The following DGKB variants were observed in gnomAD, a reference collection of about 807,000 sequenced individuals.
DGKB encodes the protein 90 kDa diacylglycerol kinase.
A neutral mutation model predicts 114.3 loss-of-function variants in DGKB; 67 were observed. The ratio of observed to expected loss-of-function variants is 0.59; its 90% confidence interval spans 0.48 to 0.72. The LOEUF (loss-of-function observed/expected upper bound fraction) is 0.72. DGKB is among the 30% of genes least tolerant of loss of function. The pLI, the probability that DGKB is intolerant of heterozygous loss-of-function variation, is 0.00. For missense variants in DGKB, 907 were observed against 975.2 expected, an observed-to-expected ratio of 0.93 and a Z score of 0.93; for synonymous variants, 398 against 323.1, an observed-to-expected ratio of 1.23 and a Z score of -2.49.
intron 1 of DGKB, among the ~76,000 whole-genome samples, chr7:14,918,376 G>C (rs1045873388): frequency 3.9e-5 from 6 of 152,040 alleles, no homozygotes; most frequent in Non-Finnish European, 8.8e-5. Flanking sequence ...CAAAGGAAAA[G>C]CTTCCTGAAA....
At chr7:14,222,843 T>C (rs1352902033) in intron 23 of DGKB, among the ~76,000 whole-genome samples, 4 of 151,586 alleles carry the variant, frequency 2.6e-5, no homozygotes, top group Admixed American at 1.3e-4. Context: ...TGTTAGGGTA[T>C]ATATGTTTAC....
At position 14,839,948 on chromosome 7, in the gene DGKB, A is replaced by C. The variant is rs550209423; in HGVS notation, c.70+1246T>G. Among the ~76,000 whole-genome samples, 48 of 152,234 alleles carry C rather than the reference A, an allele frequency of 3.2e-4. 1 individual carries two copies. The highest frequency in any genetic ancestry group is 6.8e-3 in the Middle Eastern group (2 of 294). Reference sequence around the variant, plus strand: ...TAGGAAGCTTCTAGAATACCTTTGAAACTGGTCTTTTCAGATAATATACAT... The same window carrying C: ...TAGGAAGCTTCTAGAATACCTTTGACACTGGTCTTTTCAGATAATATACAT... On this transcript the variant is annotated intron_variant, in intron 2 of 25. Coordinates refer to ENST00000402815, the MANE Select transcript of DGKB (RefSeq NM_001350709.2).
chr7:14,544,774 G>C (rs1444652911), intron 20 of DGKB, among the ~76,000 whole-genome samples: 1 of 152,104 alleles, frequency 6.6e-6, no homozygotes, highest in South Asian at 2.1e-4. Context: ...AAGTCTTCTA[G>C]GACAGGGTGT....
chr7:14,563,172 G>T (rs1222843754), intron 20 of DGKB, among the ~76,000 whole-genome samples: 1 of 152,160 alleles, frequency 6.6e-6, no homozygotes, highest in African/African-American at 2.4e-5. Context: ...CTTCTGCCAT[G>T]ATTGGGAGGC....
intron 1 of DGKB, among the ~76,000 whole-genome samples, chr7:14,947,501 A>G (rs548813978): frequency 2.0e-5 from 3 of 151,824 alleles, no homozygotes; most frequent in Admixed American, 6.6e-5. Flanking sequence ...ATGTTAAAAC[A>G]AAGTCATAAA....
At position 14,682,707 on chromosome 7, in the gene DGKB, C is replaced by T. The variant is rs573452587; in HGVS notation, c.919-38G>A. Reference sequence around the variant, plus strand: ...GACAACATTGTGATAAGAGGACACACTACATAATGGCCACCTTCAGAAAGC... The same window carrying T: ...GACAACATTGTGATAAGAGGACACATTACATAATGGCCACCTTCAGAAAGC... On this transcript the variant is annotated intron_variant, in intron 11 of 25. Coordinates refer to ENST00000402815, the MANE Select transcript of DGKB (RefSeq NM_001350709.2). The T allele has an allele frequency of 1.2e-5, 20 of 1,606,108 alleles. No individual in the cohort carries two copies. The East Asian group carries it at 3.8e-4, about 30-fold the overall frequency.
At chr7:14,938,939 T>G (rs891610809) in intron 1 of DGKB, among the ~76,000 whole-genome samples, 6 of 152,196 alleles carry the variant, frequency 3.9e-5, no homozygotes, top group African/African-American at 1.4e-4. Flanking sequence ...TAATTCTCTA[T>G]GAAATGAGGT....
At chr7:14,814,798 G>T (rs1447761960) in intron 2 of DGKB, among the ~76,000 whole-genome samples, 1 of 152,062 alleles carries the variant, frequency 6.6e-6, no homozygotes, top group Non-Finnish European at 1.5e-5. Context: ...ATTCTAAAAT[G>T]TTATGAACAT....
At chr7:14,908,707 C>G (rs1783834479) in intron 1 of DGKB, among the ~76,000 whole-genome samples, 1 of 152,062 alleles carries the variant, frequency 6.6e-6, no homozygotes, top group African/African-American at 2.4e-5. Context: ...TAAATGAAAT[C>G]TTACCTTTCT....
chr7:14,527,263 G>C (rs73287728), intron 20 of DGKB, among the ~76,000 whole-genome samples: 8 of 152,042 alleles, frequency 5.3e-5, no homozygotes, highest in Non-Finnish European at 1.0e-4. Flanking sequence ...TCTTTTATTG[G>C]AAACAGTTCA....
At chr7:14,718,777 A>G in intron 5 of DGKB, 92 bp from the exon 6 acceptor site, 1 of 931,776 alleles carries the variant, frequency 1.1e-6, no homozygotes, top group Non-Finnish European at 1.6e-6. Flanking sequence ...CACAGGCTAC[A>G]TAGAAATTTA....
rs145150069 is a variant in DGKB at position 14,398,438 on chromosome 7, G to C, written c.1836-53047C>G. Among the ~76,000 whole-genome samples the C allele has an allele frequency of 2.0e-5, 3 of 152,084 alleles. No individual in the cohort carries two copies. The East Asian group carries it at 5.8e-4, about 29-fold the overall frequency. ...CTGAGCAACTGACAATCAATGCTTTGAGCACAAATTCACATTATGATTTTG... is the reference window on the plus strand; with the variant it reads ...CTGAGCAACTGACAATCAATGCTTTCAGCACAAATTCACATTATGATTTTG... On this transcript the variant is annotated intron_variant, in intron 21 of 25. Transcript: ENST00000402815.
rs1262338373 is a variant in DGKB, at chr7:14,178,187, G to T, written c.2123-36C>A. 1.9e-6 allele frequency: 3 copies of T among 1,604,072 alleles called. No individual in the cohort carries two copies. In the Admixed American group the frequency reaches 5.1e-5, roughly 27 times the overall value. On this transcript the variant is annotated intron_variant, in intron 23 of 25. Coordinates refer to ENST00000402815, the MANE Select transcript of DGKB (RefSeq NM_001350709.2). ...GTAGATGCCTTTTAAGTTGCAATGTGTATACATATGTCCACAATTTAATGC... is the reference window on the plus strand; with the variant it reads ...GTAGATGCCTTTTAAGTTGCAATGTTTATACATATGTCCACAATTTAATGC...
At chr7:14,729,366 C>T (rs1031479131) in intron 5 of DGKB, among the ~76,000 whole-genome samples, 1 of 152,032 alleles carries the variant, frequency 6.6e-6, no homozygotes, top group Admixed American at 6.6e-5. Context: ...TTGTGATTCG[C>T]CCACCTTGGC....
intron 17 of DGKB, among the ~76,000 whole-genome samples, 177 bp downstream of exon 17, chr7:14,607,257 T>C (rs1372611738): frequency 6.6e-6 from 1 of 151,800 alleles, no homozygotes; most frequent in Non-Finnish European, 1.5e-5. Context: ...CTGCTAGAAA[T>C]GGACTATTTT....
intron 1 of DGKB, among the ~76,000 whole-genome samples, chr7:14,842,559 A>T (rs1848083145): frequency 6.6e-6 from 1 of 152,154 alleles, no homozygotes; most frequent in Admixed American, 6.5e-5. Flanking sequence ...AGTGAAAGAG[A>T]ATGGGAATAT....
At chr7:14,286,604 A>G (rs1400446030) in intron 23 of DGKB, among the ~76,000 whole-genome samples, 1 of 152,258 alleles carries the variant, frequency 6.6e-6, no homozygotes, top group South Asian at 2.1e-4. Context: ...ACTTATACTC[A>G]GTACTTTTCT....
At chr7:14,440,317 A>G (rs1317460011) in intron 21 of DGKB, among the ~76,000 whole-genome samples, 3 of 152,080 alleles carry the variant, frequency 2.0e-5, no homozygotes, top group African/African-American at 7.2e-5. Flanking sequence ...TGCTTTCATG[A>G]GAACAGTTTG....
chr7:14,595,534 G>GC (rs34485631), intron 17 of DGKB, among the ~76,000 whole-genome samples: 2 of 150,552 alleles, frequency 1.3e-5, no homozygotes, highest in Admixed American at 6.7e-5. Context: ...AAAAATTGAG[G>GC]CCCCCCTTTA....
Sources: allele counts gnomAD v4.1 joint callset (sites outside exome capture counted in the v4.1 genomes callset), GRCh38; gene constraint gnomAD v4.1.1; transcripts MANE v1.5; gene names NCBI Gene and HGNC (gene_info 2026-07-23, HGNC 2026-07-21).